RBFOX1: variants seen among roughly 807,000 people sequenced by gnomAD.
RBFOX1 encodes the protein RNA binding fox-1 homolog 1, also known as RNA binding protein fox-1 homolog 1.
Under a neutral mutation model 57.7 loss-of-function variants are expected in RBFOX1, and 8 were observed. That is an observed-to-expected ratio of 0.14 (90% CI 0.08 to 0.25). The LOEUF (loss-of-function observed/expected upper bound fraction) is 0.25. Ranked by LOEUF, RBFOX1 falls within the 10% of genes least tolerant of loss-of-function variation. The pLI, the probability that RBFOX1 is intolerant of heterozygous loss-of-function variation, is 1.00. For missense variants in RBFOX1, 611 were observed against 548.5 expected (o/e 1.11, Z -1.14); for synonymous variants, 326 against 222.4 (o/e 1.47, Z -4.15).
intron 1 of RBFOX1, among the ~76,000 whole-genome samples, chr16:6,077,437 G>C (rs1419811843): frequency 1.3e-5 from 2 of 152,166 alleles, no homozygotes; most frequent in Non-Finnish European, 2.9e-5. Context: ...AAGTGATATT[G>C]CGTCACTGCT....
At chr16:5,674,159 A>C (rs568731867) in intron 3 of RBFOX1, among the ~76,000 whole-genome samples, 2 of 152,224 alleles carry the variant, frequency 1.3e-5, no homozygotes, top group African/African-American at 2.4e-5. Flanking sequence ...TAGGGTCTAG[A>C]AGTGGGGCAT....
intron 4 of RBFOX1, chr16:7,304,619 G>C: frequency 1.0e-6 from 1 of 977,236 alleles, no homozygotes; most frequent in Non-Finnish European, 1.2e-6. Flanking sequence ...TGGAAAGGGT[G>C]GATGGAAGCC....
chr16:6,568,098 G>C (rs975733920), intron 2 of RBFOX1, among the ~76,000 whole-genome samples: 1 of 152,124 alleles, frequency 6.6e-6, no homozygotes, highest in Non-Finnish European at 1.5e-5. Context: ...CAGCTTTACG[G>C]GTAATGACAT....
At chr16:5,786,534 C>G (rs551614853) in intron 3 of RBFOX1, among the ~76,000 whole-genome samples, 1 of 152,266 alleles carries the variant, frequency 6.6e-6, no homozygotes. Flanking sequence ...CGAGAGGGTT[C>G]TGCACTACCC....
chr16:5,998,515 G>C (rs528081090), intron 4 of RBFOX1, among the ~76,000 whole-genome samples: 1 of 152,206 alleles, frequency 6.6e-6, no homozygotes, highest in African/African-American at 2.4e-5. Flanking sequence ...TTTTCAACAA[G>C]ATGATGTAGT....
chr16:7,298,371 C>G (rs2095949740), intron 4 of RBFOX1, among the ~76,000 whole-genome samples: 1 of 151,150 alleles, frequency 6.6e-6, no homozygotes. Flanking sequence ...CTACCGCAGC[C>G]TCCGCCTCCT....
chr16:6,870,478 C>G (rs1407391334), intron 3 of RBFOX1, among the ~76,000 whole-genome samples: 3 of 152,144 alleles, frequency 2.0e-5, no homozygotes, highest in African/African-American at 7.2e-5. Context: ...AGCTTCACAA[C>G]AAGGATTTAA....
At chr16:6,227,668 C>A (rs1567722613) in intron 1 of RBFOX1, among the ~76,000 whole-genome samples, 1 of 152,128 alleles carries the variant, frequency 6.6e-6, no homozygotes, top group Non-Finnish European at 1.5e-5. Flanking sequence ...AGAAGCCACA[C>A]TGGACAATGG....
In RBFOX1 at chr16:6,866,541, A is replaced by ATTTTTTT. The variant is rs56678526; in HGVS notation, c.-15-185504_-15-185498dup. Among the ~76,000 whole-genome samples the ATTTTTTT allele has an allele frequency of 1.7e-3, 136 of 78,864 alleles. 15 individuals are homozygous for ATTTTTTT. The South Asian group carries it at 0.03, about 17-fold the overall frequency. The allele number at this position is 78,864 out of a possible 152,430, so 51.7% of individuals were successfully genotyped here. On this transcript the variant is annotated intron_variant, in intron 3 of 15. Coordinates refer to ENST00000550418, the MANE Select transcript of RBFOX1 (RefSeq NM_018723.4). ...TAAGGTTAGGGCTTTCTTTCCTTCT[A>ATTTTTTT]TTTTTTTTTTTTTTTTTTGAGTTGG...
At chr16:6,900,580 C>A (rs931502776) in intron 3 of RBFOX1, among the ~76,000 whole-genome samples, 1 of 152,152 alleles carries the variant, frequency 6.6e-6, no homozygotes, top group Admixed American at 6.5e-5. Context: ...CCTTTTTAGT[C>A]TTTTCCAGTT....
intron 5 of RBFOX1, among the ~76,000 whole-genome samples, chr16:7,529,775 G>A (rs889296489): frequency 6.6e-6 from 1 of 152,064 alleles, no homozygotes; most frequent in Non-Finnish European, 1.5e-5. Flanking sequence ...TTGGGAGGCT[G>A]AGACGGGCAG....
intron 3 of RBFOX1, among the ~76,000 whole-genome samples, chr16:7,040,002 TTTA>T (rs34770685): frequency 0.099 from 14,776 of 148,674 alleles, 1,194 homozygotes; most frequent in East Asian, 0.35. Context: ...GGGGAGTTAT[TTTA>T]TTATTATTAT....
intron 14 of RBFOX1, among the ~76,000 whole-genome samples, chr16:7,695,520 G>A (rs1158835155): frequency 6.6e-6 from 1 of 152,018 alleles, no homozygotes; most frequent in African/African-American, 2.4e-5. Flanking sequence ...GGGTGTGGTG[G>A]CACATGCCTG....
chr16:7,039,781 A>C (rs1325383800), intron 3 of RBFOX1, among the ~76,000 whole-genome samples: 3 of 152,196 alleles, frequency 2.0e-5, no homozygotes, highest in African/African-American at 7.2e-5. Flanking sequence ...CAAAGATTTC[A>C]GGCCTTTATA....
At chr16:6,658,321 A>G (rs1428978864) in intron 3 of RBFOX1, among the ~76,000 whole-genome samples, 1 of 149,578 alleles carries the variant, frequency 6.7e-6, no homozygotes, top group African/African-American at 2.5e-5. Context: ...GCTCATTGCA[A>G]CCTCCGCCTC....
At chr16:7,306,612 C>G (rs1392830760) in intron 4 of RBFOX1, among the ~76,000 whole-genome samples, 1 of 149,158 alleles carries the variant, frequency 6.7e-6, no homozygotes, top group Non-Finnish European at 1.5e-5. Flanking sequence ...TGTATTTTCT[C>G]TGAGCTTCAC....
chr16:7,265,959 T>TTTTG (rs1567956509), intron 4 of RBFOX1, among the ~76,000 whole-genome samples: 3 of 88,140 alleles, frequency 3.4e-5, no homozygotes, highest in Admixed American at 1.1e-4. Flanking sequence ...ATCTGGTGGG[T>TTTTG]TTTTGTTTTT....
chr16:7,002,863 C>G (rs949514002), intron 3 of RBFOX1, among the ~76,000 whole-genome samples: 4 of 152,052 alleles, frequency 2.6e-5, no homozygotes, highest in African/African-American at 4.8e-5. Context: ...CTCAACATCC[C>G]GATACACTCA....
At chr16:6,792,143 CAT>C (rs985006880) in intron 3 of RBFOX1, among the ~76,000 whole-genome samples, 23 of 152,180 alleles carry the variant, frequency 1.5e-4, no homozygotes, top group African/African-American at 5.5e-4. Flanking sequence ...AATTGAAACA[CAT>C]AAACTATGCT....
Sources: gnomAD v4.1 joint callset for allele counts (sites outside exome capture counted in the v4.1 genomes callset) on GRCh38, gnomAD v4.1.1 for gene constraint, MANE v1.5 for transcripts, NCBI Gene and HGNC (gene_info 2026-07-23, HGNC 2026-07-21) for gene names.